FAM135B: variants seen among roughly 807,000 people sequenced by gnomAD.
FAM135B encodes family with sequence similarity 135 member B.
Under a neutral mutation model 127.7 loss-of-function variants are expected in FAM135B, and 43 were observed. The observed-to-expected ratio is 0.34, with a 90% CI of 0.26 to 0.43. The LOEUF (loss-of-function observed/expected upper bound fraction) is 0.43, where lower values mean the gene tolerates loss of function less well. FAM135B is among the 20% of genes least tolerant of loss of function. The pLI, the probability that FAM135B is intolerant of heterozygous loss-of-function variation, is 1.00. For synonymous variants in FAM135B, 670 were observed against 665.1 expected (o/e 1.01, Z -0.11); for missense variants, 1,558 against 1,725.6 (o/e 0.90, Z 1.72).
chr8:138,224,042 TG>T, intron 7 of FAM135B, among the ~76,000 whole-genome samples: 1 of 149,826 alleles, frequency 6.7e-6, no homozygotes. Flanking sequence ...AGGACGGGGG[TG>T]GGGGGCAAGG....
chr8:138,291,909 T>C (rs1451896083), intron 3 of FAM135B, among the ~76,000 whole-genome samples: 10 of 152,118 alleles, frequency 6.6e-5, no homozygotes, highest in African/African-American at 2.4e-4. Flanking sequence ...GAACACAGTA[T>C]GGAAAGGCTT....
At chr8:138,261,337 T>C (rs1406768541) in intron 4 of FAM135B, among the ~76,000 whole-genome samples, 2 of 152,268 alleles carry the variant, frequency 1.3e-5, no homozygotes, top group East Asian at 3.9e-4. Flanking sequence ...ATAAAATGTG[T>C]TTCATATGTA....
At chr8:138,311,251 T>C (rs1201120631) in intron 2 of FAM135B, among the ~76,000 whole-genome samples, 1 of 152,244 alleles carries the variant, frequency 6.6e-6, no homozygotes, top group Non-Finnish European at 1.5e-5. Flanking sequence ...AGAAAGGTTA[T>C]TGTTATAGGA....
intron 7 of FAM135B, among the ~76,000 whole-genome samples, chr8:138,212,425 A>G (rs916854581): frequency 1.3e-5 from 2 of 152,234 alleles, no homozygotes; most frequent in Non-Finnish European, 2.9e-5. Flanking sequence ...AAAGGAAATA[A>G]GAGGGAAAAA....
chr8:138,147,914 G>C (rs1388068137), intron 14 of FAM135B, among the ~76,000 whole-genome samples: 4 of 152,186 alleles, frequency 2.6e-5, no homozygotes, highest in African/African-American at 9.6e-5. Context: ...TGATGAGTGA[G>C]AAAGTTTTTT....
At chr8:138,494,999 G>C (rs1815339124) in intron 1 of FAM135B, among the ~76,000 whole-genome samples, 2 of 152,294 alleles carry the variant, frequency 1.3e-5, no homozygotes, top group South Asian at 4.2e-4. Flanking sequence ...ATGTTGCCCT[G>C]AGTGAATCTT....
chr8:138,328,628 G>A (rs913478752), intron 2 of FAM135B, among the ~76,000 whole-genome samples: 3 of 152,138 alleles, frequency 2.0e-5, no homozygotes, highest in Non-Finnish European at 2.9e-5. Context: ...ACTCTAATAA[G>A]TGTTACTATA....
chr8:138,283,375 A>C (rs1280694474), intron 3 of FAM135B, among the ~76,000 whole-genome samples: 1 of 151,964 alleles, frequency 6.6e-6, no homozygotes, highest in Admixed American at 6.6e-5. Flanking sequence ...AGTACTCATG[A>C]TTCTAACTAT....
intron 3 of FAM135B, among the ~76,000 whole-genome samples, chr8:138,273,894 A>T (rs1823595450): frequency 6.6e-6 from 1 of 152,054 alleles, no homozygotes; most frequent in Non-Finnish European, 1.5e-5. Context: ...CATCATTTCC[A>T]AGGCTTTCAA....
At chr8:138,352,385 T>A (rs1217085973) in intron 2 of FAM135B, among the ~76,000 whole-genome samples, 1 of 152,236 alleles carries the variant, frequency 6.6e-6, no homozygotes, top group Non-Finnish European at 1.5e-5. Context: ...TGTGTACAAC[T>A]GTCTAAAATA....
At chr8:138,465,947 C>CT (rs996218650) in intron 1 of FAM135B, among the ~76,000 whole-genome samples, 3 of 151,900 alleles carry the variant, frequency 2.0e-5, no homozygotes, top group Admixed American at 6.6e-5. Context: ...ACCCAGATAA[C>CT]TTTTTTTTAG....
intron 7 of FAM135B, among the ~76,000 whole-genome samples, chr8:138,236,485 C>T (rs915745735): frequency 2.6e-5 from 4 of 152,066 alleles, no homozygotes; most frequent in Admixed American, 1.3e-4. Flanking sequence ...CGAAAGGTAT[C>T]ACAACCTTCT....
Position 138,191,654 on chromosome 8 carries a change from T to C in FAM135B, c.873+3604A>G, listed in dbSNP as rs1431617169. Among the ~76,000 whole-genome samples the C allele has an allele frequency of 3.3e-5, 5 of 152,138 alleles. No homozygotes were observed. The East Asian group carries it at 9.6e-4, about 29-fold the overall frequency. ...GGAAGCACTGGGGGCTTGGGAAATGTTTGTGAAATTAATAAAAATTCTCAT... is the reference window on the plus strand; with the variant it reads ...GGAAGCACTGGGGGCTTGGGAAATGCTTGTGAAATTAATAAAAATTCTCAT... On this transcript the variant is annotated intron_variant, in intron 9 of 19. Transcript: ENST00000395297.
At chr8:138,346,265 C>G (rs535367287) in intron 2 of FAM135B, among the ~76,000 whole-genome samples, 24 of 152,298 alleles carry the variant, frequency 1.6e-4, no homozygotes, top group African/African-American at 5.8e-4. Context: ...GATCTACAGC[C>G]AGAAATACCA....
chr8:138,381,990 T>C (rs1243576324), intron 1 of FAM135B, among the ~76,000 whole-genome samples: 1 of 151,930 alleles, frequency 6.6e-6, no homozygotes, highest in Non-Finnish European at 1.5e-5. Flanking sequence ...CTCCCACACA[T>C]GAGTCAAGGC....
At chr8:138,489,064 T>A (rs551012000) in intron 1 of FAM135B, among the ~76,000 whole-genome samples, 21 of 152,340 alleles carry the variant, frequency 1.4e-4, no homozygotes, top group Middle Eastern at 3.4e-3. Flanking sequence ...CAATCACTGC[T>A]ACTCCCAGGT....
chr8:138,289,011 C>A (rs986432121), intron 3 of FAM135B, among the ~76,000 whole-genome samples: 1 of 152,178 alleles, frequency 6.6e-6, no homozygotes, highest in Non-Finnish European at 1.5e-5. Context: ...CCAGTTTCAT[C>A]TGAAAACACA....
chr8:138,131,675 G>C lies in FAM135B; in HGVS notation c.*918C>G, dbSNP rs1816227513. ...GGAGAAGCAGCTGGCCACTTTAATG[G>C]ATTTAATTTTTTGCAATTGCATCAA... On this transcript the variant is annotated 3_prime_UTR_variant, in exon 20 of 20. Coordinates refer to ENST00000395297, the MANE Select transcript of FAM135B (RefSeq NM_015912.4). The C allele has an allele frequency of 6.6e-6, 1 of 152,600 alleles. No individual in the cohort carries two copies. Among genetic ancestry groups the C allele is most frequent in the Non-Finnish European group, 1.5e-5 (1 of 68,034 alleles). The allele number at this position is 152,600 out of a possible 1,614,324, so 9.5% of individuals were successfully genotyped here.
chr8:138,278,500 T>C (rs986738825), intron 3 of FAM135B, among the ~76,000 whole-genome samples: 1 of 150,716 alleles, frequency 6.6e-6, no homozygotes, highest in Non-Finnish European at 1.5e-5. Context: ...TAGACCACTG[T>C]GGTACTGGGG....
Sources: gnomAD v4.1 joint callset for allele counts (sites outside exome capture counted in the v4.1 genomes callset) on GRCh38, gnomAD v4.1.1 for gene constraint, MANE v1.5 for transcripts, NCBI Gene and HGNC (gene_info 2026-07-23, HGNC 2026-07-21) for gene names.